The following CFAP20 variants were observed in gnomAD, a reference collection of about 807,000 sequenced individuals.
CFAP20 encodes the protein cilia- and flagella-associated protein 20.
In CFAP20, 14 loss-of-function variants were observed where a neutral mutation model predicts 25.5. The ratio of observed to expected loss-of-function variants is 0.55; its 90% CI spans 0.36 to 0.86. The LOEUF is 0.86. CFAP20 is among the 40% of genes least tolerant of loss of function. CFAP20 has a pLI of 0.01. For missense variants in CFAP20, 181 were observed against 248.0 expected, an observed-to-expected ratio of 0.73 and a Z score of 1.81; for synonymous variants, 75 against 91.1, an observed-to-expected ratio of 0.82 and a Z score of 1.01.
chr16:58,127,910 T>C (rs764747342), intron 1 of CFAP20, among the ~76,000 whole-genome samples: 76 of 152,292 alleles, frequency 5.0e-4, no homozygotes, highest in Middle Eastern at 3.4e-3. Flanking sequence ...CATGTGTGGA[T>C]AAGGGAATAC....
At chr16:58,117,039 G>T (rs2270919) in intron 1 of CFAP20, 88 bp from the exon 2 acceptor site, 2 of 1,208,886 alleles carry the variant, frequency 1.7e-6, no homozygotes, top group Non-Finnish European at 2.4e-6. Context: ...CCCAAGAGGC[G>T]TACAAAGAAA....
intron 1 of CFAP20, 32 bp downstream of exon 1, chr16:58,129,000 C>T (rs1960667923): frequency 6.4e-7 from 1 of 1,556,582 alleles, no homozygotes. Context: ...TGCAGCCCCT[C>T]CACCCCGCCC....
intron 1 of CFAP20, among the ~76,000 whole-genome samples, chr16:58,124,129 C>T (rs1203914381): frequency 6.6e-6 from 1 of 152,138 alleles, no homozygotes; most frequent in African/African-American, 2.4e-5. Flanking sequence ...GTGAGTCCCG[C>T]CTGGAGAACA....
At position 58,129,316 on chromosome 16, in the gene CFAP20, G is replaced by A; in HGVS notation, c.-201C>T. ...TAAGTCCGCGATCTTCAGCTCCTAA[G>A]CTGCGAGCTCAGAACGGAAACCACA... is the stretch of plus-strand genomic sequence containing the variant. On this transcript the variant is annotated 5_prime_UTR_variant, in exon 1 of 6. Coordinates refer to ENST00000262498, the MANE Select transcript of CFAP20 (RefSeq NM_013242.3). 1.7e-6 allele frequency: 1 copy of A among 575,246 alleles called. No individual in the cohort carries two copies. The allele number at this position is 575,246 out of a possible 1,614,324, so 35.6% of individuals were successfully genotyped here.
chr16:58,119,328 G>A (rs1006568959), intron 1 of CFAP20: 1 of 152,326 alleles, frequency 6.6e-6, no homozygotes, highest in Non-Finnish European at 1.5e-5. Flanking sequence ...ACAATGCTTA[G>A]CACAGTGCTA....
At chr16:58,121,520 T>A (rs141430310) in intron 1 of CFAP20, among the ~76,000 whole-genome samples, 125 of 152,236 alleles carry the variant, frequency 8.2e-4, no homozygotes, top group Admixed American at 2.7e-3. Flanking sequence ...TCAAAAAAAA[T>A]AAAATAAAAA....
chr16:58,121,652 G>T lies in CFAP20; in HGVS notation c.85-4701C>A, dbSNP rs569167558. Among the ~76,000 whole-genome samples, 4 of 152,252 alleles carry T rather than the reference G, an allele frequency of 2.6e-5. No homozygotes were observed. In the South Asian group the frequency reaches 8.3e-4, roughly 32 times the overall value. The stretch of plus-strand genomic sequence containing the variant: ...CAATTACAGATCATAATGGTTCTCT[G>T]CCTCTGCAGACAACAGAGGTGACCA... On this transcript the variant is annotated intron_variant, in intron 1 of 5. Transcript: ENST00000262498.
chr16:58,122,340 G>A (rs762885997), intron 1 of CFAP20, among the ~76,000 whole-genome samples: 51 of 152,212 alleles, frequency 3.4e-4, no homozygotes, highest in Non-Finnish European at 5.7e-4. Flanking sequence ...CAGCACTTTT[G>A]GAGGCTGAGG....
At chr16:58,115,149 G>A in intron 4 of CFAP20, 120 bp downstream of exon 4, 1 of 1,388,934 alleles carries the variant, frequency 7.2e-7, no homozygotes, top group Non-Finnish European at 1.0e-6. Flanking sequence ...AAAGCTCCCT[G>A]GACAGTGTGG....
intron 1 of CFAP20, among the ~76,000 whole-genome samples, chr16:58,123,581 G>A (rs1483998773): frequency 1.0e-5 from 1 of 95,924 alleles, no homozygotes; most frequent in African/African-American, 3.7e-5. Context: ...GGGGGACAGA[G>A]CAAGACTCTG....
chr16:58,125,999 C>A (rs566131830), intron 1 of CFAP20, among the ~76,000 whole-genome samples: 13 of 152,284 alleles, frequency 8.5e-5, no homozygotes, highest in African/African-American at 3.1e-4. Context: ...TACTGTAACT[C>A]TGTTGCTAAG....
At position 58,114,582 on chromosome 16, in the gene CFAP20, T is replaced by C. The variant is rs549527992; in HGVS notation, c.576+228A>G. Among the ~76,000 whole-genome samples, 9 of 151,430 alleles carry C rather than the reference T, an allele frequency of 5.9e-5. No individual in the cohort carries two copies. The South Asian group carries it at 1.3e-3, about 21-fold the overall frequency. Reference sequence around the variant, plus strand: ...AGTTCTGTGAGCCAGTAGTAGGAAGTGCCTCATCCCCTCTCACCGTGGAGA... The same window carrying C: ...AGTTCTGTGAGCCAGTAGTAGGAAGCGCCTCATCCCCTCTCACCGTGGAGA... On this transcript the variant is annotated intron_variant, in intron 5 of 5. Coordinates refer to ENST00000262498, the MANE Select transcript of CFAP20 (RefSeq NM_013242.3).
At chr16:58,119,626 G>A (rs1241775083) in intron 1 of CFAP20, among the ~76,000 whole-genome samples, 2 of 152,152 alleles carry the variant, frequency 1.3e-5, no homozygotes, top group African/African-American at 2.4e-5. Context: ...GACACAAAAC[G>A]TCACATTGAA....
At position 58,114,039 on chromosome 16, in the gene CFAP20, A is replaced by G. The variant is rs748242297; in HGVS notation, c.577-9T>C. The G allele has an allele frequency of 1.1e-5, 17 of 1,613,328 alleles. No individual in the cohort carries two copies. In the African/African-American group the frequency reaches 1.6e-4, roughly 15 times the overall value. ...CACAATTCCAGTTATTGCTGAAGGG[A>G]AAAAACAGAGAAGTGGCATCAGTTT... On this transcript the variant is annotated splice_polypyrimidine_tract_variant and intron_variant, in intron 5 of 5. Coordinates refer to ENST00000262498, the MANE Select transcript of CFAP20 (RefSeq NM_013242.3).
In CFAP20 at chr16:58,129,139, C is replaced by T; in HGVS notation, c.-24G>A. 1 of 1,612,654 alleles carries T rather than the reference C, an allele frequency of 6.2e-7. No individual in the cohort carries two copies. ...ATCTCGCCGGCGGCCTTCTCCTAAG[C>T]CGCCCCCGGAGCCGACCTAGGCCCC... On this transcript the variant is annotated 5_prime_UTR_variant, in exon 1 of 6. Transcript: ENST00000262498.
chr16:58,116,852 G>C lies in CFAP20; in HGVS notation c.164+20C>G. 1 of 1,604,986 alleles carries C rather than the reference G, an allele frequency of 6.2e-7. No homozygotes were observed. Among genetic ancestry groups the C allele is most frequent in the Non-Finnish European group, 8.5e-7 (1 of 1,171,736 alleles). ...TCCCTAGTATATGATGTCTCTGGGA[G>C]AACAGAGGTGGCAACCTACCTTACA... is the stretch of plus-strand genomic sequence containing the variant. On this transcript the variant is annotated intron_variant, in intron 2 of 5. Transcript: ENST00000262498.
At chr16:58,124,532 CT>C (rs1567448807) in intron 1 of CFAP20, among the ~76,000 whole-genome samples, 2 of 152,184 alleles carry the variant, frequency 1.3e-5, no homozygotes, top group Admixed American at 6.5e-5. Flanking sequence ...CCTATTGCCC[CT>C]AGGCTACAAT....
intron 5 of CFAP20, among the ~76,000 whole-genome samples, chr16:58,114,462 G>T (rs1293012118): frequency 1.3e-5 from 2 of 151,670 alleles, no homozygotes; most frequent in Admixed American, 6.6e-5. Flanking sequence ...GAAGGCAGAG[G>T]TTGCAGTGAG....
At position 58,118,490 on chromosome 16, in the gene CFAP20, C is replaced by CA. The variant is rs200079741; in HGVS notation, c.85-1540dup. 2.1e-3 allele frequency among the ~76,000 whole-genome samples: 242 copies of CA among 115,122 alleles called. 3 individuals carry two copies. The East Asian group carries it at 0.034, about 16-fold the overall frequency. 75.5% of individuals were successfully genotyped at this position (115,122 alleles called of 152,430 possible). On this transcript the variant is annotated intron_variant, in intron 1 of 5. Coordinates refer to ENST00000262498, the MANE Select transcript of CFAP20 (RefSeq NM_013242.3). Reference sequence around the variant, plus strand: ...TAGGTGACAGAGCAAGACCCTATCTCAAAAAAAACAAAACAAAAAACGAAA... The same window carrying CA: ...TAGGTGACAGAGCAAGACCCTATCTCAAAAAAAAACAAAACAAAAAACGAAA...
Sources: gnomAD v4.1 joint callset for allele counts (sites outside exome capture counted in the v4.1 genomes callset) on GRCh38, gnomAD v4.1.1 for gene constraint, MANE v1.5 for transcripts, NCBI Gene and HGNC (gene_info 2026-07-23, HGNC 2026-07-21) for gene names.